SP4: variants seen among roughly 807,000 people sequenced by gnomAD.
The protein encoded by SP4 is transcription factor Sp4.
Under a neutral mutation model 72.8 loss-of-function variants are expected in SP4, and 19 were observed. The ratio of observed to expected loss-of-function variants is 0.26; its 90% confidence interval spans 0.18 to 0.38. The LOEUF is 0.38. Ranked by LOEUF, SP4 falls within the 10% of genes least tolerant of loss-of-function variation. The pLI is 1.00. For missense variants in SP4, 1,008 were observed against 926.3 expected, an observed-to-expected ratio of 1.09 and a Z score of -1.14; for synonymous variants, 395 against 333.1, an observed-to-expected ratio of 1.19 and a Z score of -2.02.
chr7:21,481,893 G>GT (rs1583431323), intron 4 of SP4, 31 bp from the exon 5 acceptor site: 5 of 1,475,306 alleles, frequency 3.4e-6, no homozygotes, highest in East Asian at 2.3e-5. Context: ...ATTTGGCAGT[G>GT]TAATTAATGT....
chr7:21,504,066 C>T (rs544176254), intron 5 of SP4, among the ~76,000 whole-genome samples: 3 of 152,262 alleles, frequency 2.0e-5, no homozygotes, highest in African/African-American at 7.2e-5. Flanking sequence ...TTAATACTAG[C>T]TTAGGGATGT....
chr7:21,487,550 C>T (rs1363549510), intron 5 of SP4, among the ~76,000 whole-genome samples: 1 of 151,696 alleles, frequency 6.6e-6, no homozygotes, highest in Non-Finnish European at 1.5e-5. Flanking sequence ...TGTATTCCAT[C>T]ATTGTTGGTG....
intron 3 of SP4, among the ~76,000 whole-genome samples, chr7:21,447,502 C>G (rs1783465188): frequency 1.3e-5 from 2 of 152,082 alleles, no homozygotes; most frequent in African/African-American, 4.8e-5. Context: ...TTCTAATATT[C>G]TAGAAGGTGA....
intron 3 of SP4, among the ~76,000 whole-genome samples, chr7:21,468,140 G>A (rs931954265): frequency 6.6e-6 from 1 of 152,046 alleles, no homozygotes; most frequent in Non-Finnish European, 1.5e-5. Flanking sequence ...GTACACACAC[G>A]CATCTGTTTT....
At chr7:21,493,800 G>C (rs1785039026) in intron 5 of SP4, among the ~76,000 whole-genome samples, 1 of 151,872 alleles carries the variant, frequency 6.6e-6, no homozygotes, top group Non-Finnish European at 1.5e-5. Flanking sequence ...ATTTCTTTCA[G>C]AAAATAAGGA....
intron 4 of SP4, among the ~76,000 whole-genome samples, chr7:21,480,098 GA>G (rs1207592955): frequency 2.0e-5 from 3 of 152,050 alleles, no homozygotes; most frequent in Non-Finnish European, 4.4e-5. Context: ...TACTCTGCAG[GA>G]GTTCTGTTTC....
At chr7:21,447,378 A>G (rs1339077072) in intron 3 of SP4, among the ~76,000 whole-genome samples, 1 of 152,112 alleles carries the variant, frequency 6.6e-6, no homozygotes, top group African/African-American at 2.4e-5. Context: ...TTACCTTAGC[A>G]CCTTATGACT....
At chr7:21,437,557 T>C (rs766206660) in intron 3 of SP4, among the ~76,000 whole-genome samples, 1 of 152,132 alleles carries the variant, frequency 6.6e-6, no homozygotes, top group South Asian at 2.1e-4. Flanking sequence ...AATTCAAATA[T>C]GAGACAAAGC....
chr7:21,467,454 T>C (rs1784200767), intron 3 of SP4, among the ~76,000 whole-genome samples: 1 of 152,154 alleles, frequency 6.6e-6, no homozygotes. Context: ...CACCACAATC[T>C]AGTTTTAGAA....
chr7:21,439,749 TC>T lies in SP4; in HGVS notation c.1678+8907del, dbSNP rs369484939. Reference sequence around the variant, plus strand: ...TACGAAAAAAGGAAAAAGTAAAAAATCAGCTGGATGTGGTGGCCCATGTTTG... The same window carrying T: ...TACGAAAAAAGGAAAAAGTAAAAAATAGCTGGATGTGGTGGCCCATGTTTG... On this transcript the variant is annotated intron_variant, in intron 3 of 5. Coordinates refer to ENST00000222584, the MANE Select transcript of SP4 (RefSeq NM_003112.5). Among the ~76,000 whole-genome samples the T allele has an allele frequency of 1.1e-3, 161 of 152,124 alleles. 1 individual carries two copies. Among genetic ancestry groups the T allele is most frequent in the African/African-American group, 3.8e-3 (156 of 41,536 alleles).
rs1295742653 is a variant in SP4, at chr7:21,482,878, CAT to C, written c.2107+756_2107+757del. 16 of 352,612 alleles carry C rather than the reference CAT, an allele frequency of 4.5e-5. No homozygotes were observed. In the East Asian group the frequency reaches 2.2e-3, roughly 48 times the overall value. 21.8% of individuals were successfully genotyped at this position (352,612 alleles called of 1,614,324 possible). On this transcript the variant is annotated intron_variant, in intron 5 of 5. Coordinates refer to ENST00000222584, the MANE Select transcript of SP4 (RefSeq NM_003112.5). ...TGAACTGCTATATAATATTTTATCA[CAT>C]GAGTCTACCACACTATATTAATTCA...
intron 5 of SP4, among the ~76,000 whole-genome samples, chr7:21,483,684 A>T (rs1253896050): frequency 6.6e-6 from 1 of 151,700 alleles, no homozygotes; most frequent in African/African-American, 2.4e-5. Context: ...TCTGTTTTGA[A>T]GTTTTTATCT....
chr7:21,498,224 A>G (rs1261926568), intron 5 of SP4, among the ~76,000 whole-genome samples: 5 of 152,190 alleles, frequency 3.3e-5, no homozygotes, highest in Admixed American at 6.5e-5. Flanking sequence ...AAATAATATA[A>G]CAACTATTTA....
chr7:21,473,502 C>T (rs781468112), intron 3 of SP4, among the ~76,000 whole-genome samples: 1 of 152,294 alleles, frequency 6.6e-6, no homozygotes, highest in East Asian at 1.9e-4. Flanking sequence ...TAGGCAAGAT[C>T]CCTACTTTCA....
At chr7:21,484,806 T>C (rs1360043894) in intron 5 of SP4, among the ~76,000 whole-genome samples, 1 of 151,838 alleles carries the variant, frequency 6.6e-6, no homozygotes, top group Non-Finnish European at 1.5e-5. Context: ...GTTGGTAAAG[T>C]CCCTCTCTCT....
At chr7:21,462,763 A>G (rs1784037080) in intron 3 of SP4, among the ~76,000 whole-genome samples, 1 of 151,978 alleles carries the variant, frequency 6.6e-6, no homozygotes, top group Non-Finnish European at 1.5e-5. Context: ...GAAAGTTAAG[A>G]AAAGTGAGAA....
At chr7:21,483,435 C>T (rs1340551023) in intron 5 of SP4, among the ~76,000 whole-genome samples, 1 of 151,622 alleles carries the variant, frequency 6.6e-6, no homozygotes, top group Admixed American at 6.6e-5. Flanking sequence ...ATAAATTTTT[C>T]TTCTGTCCCA....
At chr7:21,454,389 A>G (rs1041795185) in intron 3 of SP4, among the ~76,000 whole-genome samples, 9 of 150,440 alleles carry the variant, frequency 6.0e-5, no homozygotes, top group African/African-American at 2.0e-4. Flanking sequence ...CAGACCATCT[A>G]CAACATACTT....
intron 3 of SP4, among the ~76,000 whole-genome samples, chr7:21,464,856 C>G (rs1050326034): frequency 2.0e-5 from 3 of 152,224 alleles, no homozygotes; most frequent in Admixed American, 2.0e-4. Context: ...CATTGTACAT[C>G]TAAAGGACCG....
Sources: allele counts gnomAD v4.1 joint callset (sites outside exome capture counted in the v4.1 genomes callset), GRCh38; gene constraint gnomAD v4.1.1; transcripts MANE v1.5; gene names NCBI Gene and HGNC (gene_info 2026-07-23, HGNC 2026-07-21).